TEX14: variants seen among roughly 807,000 people sequenced by gnomAD.
TEX14 encodes the protein inactive serine/threonine-protein kinase TEX14.
In TEX14, 168 loss-of-function variants were observed where a neutral mutation model predicts 178.6. That is an observed-to-expected ratio of 0.94 (90% CI 0.83 to 1.07). The LOEUF is 1.07. Ranked by LOEUF, TEX14 falls within the 50% of genes least tolerant of loss-of-function variation. The probability of loss-of-function intolerance (pLI) is 0.00; values close to 1 mark genes in which losing one functional copy is unlikely to be tolerated. For synonymous variants in TEX14, 626 were observed against 634.1 expected (o/e 0.99, Z 0.19); for missense variants, 1,730 against 1,753.6 (o/e 0.99, Z 0.24).
intron 2 of TEX14, among the ~76,000 whole-genome samples, chr17:58,650,287 G>A (rs549444557): frequency 6.6e-6 from 1 of 152,228 alleles, no homozygotes; most frequent in South Asian, 2.1e-4. Flanking sequence ...CCTGACCTCA[G>A]ATGATCCACC....
rs772975318 is a variant in TEX14, at chr17:58,601,961, A to G, written c.1528-5T>C. On this transcript the variant is annotated splice_polypyrimidine_tract_variant and splice_region_variant and intron_variant, in intron 12 of 31. Transcript: ENST00000349033. ...TCTCTGGGCTCCAGTAAAATCCTGTAACACAGGAAATATTGTCAAGGACAT... is the reference window on the plus strand; with the variant it reads ...TCTCTGGGCTCCAGTAAAATCCTGTGACACAGGAAATATTGTCAAGGACAT... The G allele has an allele frequency of 6.2e-7, 1 of 1,612,550 alleles. No individual in the cohort carries two copies. The highest frequency in any genetic ancestry group is 8.5e-7 in the Non-Finnish European group (1 of 1,179,730).
At chr17:58,594,573 G>A (rs1046893570) in intron 14 of TEX14, among the ~76,000 whole-genome samples, 6 of 151,784 alleles carry the variant, frequency 4.0e-5, no homozygotes, top group Non-Finnish European at 5.9e-5. Flanking sequence ...GGCTGGTCAC[G>A]AACCCCTGAC....
chr17:58,646,175 T>C (rs940316295), intron 2 of TEX14, among the ~76,000 whole-genome samples: 4 of 152,220 alleles, frequency 2.6e-5, no homozygotes, highest in Non-Finnish European at 4.4e-5. Context: ...TAAAGAGGTA[T>C]AGCTTAAAAG....
intron 14 of TEX14, among the ~76,000 whole-genome samples, chr17:58,598,039 C>T (rs978146795): frequency 6.6e-6 from 1 of 152,084 alleles, no homozygotes; most frequent in Non-Finnish European, 1.5e-5. Context: ...CTAGGCCAGG[C>T]AAGGTGGCTC....
At chr17:58,570,553 AT>A in intron 24 of TEX14, 69 bp from the exon 25 acceptor site, 1 of 1,081,920 alleles carries the variant, frequency 9.2e-7, no homozygotes. Context: ...CAGCTCAGTC[AT>A]TTCCAGTTGT....
At chr17:58,665,255 G>A (rs2047184550) in intron 1 of TEX14, among the ~76,000 whole-genome samples, 1 of 151,640 alleles carries the variant, frequency 6.6e-6, no homozygotes. Context: ...GCCTCCCAAA[G>A]TACTGGGATT....
chr17:58,651,680 C>A (rs938943877), intron 2 of TEX14, among the ~76,000 whole-genome samples, 186 bp downstream of exon 2: 1 of 152,158 alleles, frequency 6.6e-6, no homozygotes, highest in South Asian at 2.1e-4. Context: ...CAAAACAAAA[C>A]AAAACATCCT....
rs199538244 is a variant in TEX14, at chr17:58,683,369, T to TC, written c.-2+8569dup. Among the ~76,000 whole-genome samples the TC allele has an allele frequency of 5.2e-3, 655 of 124,868 alleles. 5 individuals are homozygous for TC. Among genetic ancestry groups the TC allele is most frequent in the Middle Eastern group, 0.015 (3 of 202 alleles). The allele number at this position is 124,868 out of a possible 152,430, so 81.9% of individuals were successfully genotyped here. ...GCCTGAGTGACAAAGCAAGACTCCATCCCCCCCCCCAAAAAAAAAAGGAAA... is the reference window on the plus strand; with the variant it reads ...GCCTGAGTGACAAAGCAAGACTCCATCCCCCCCCCCCAAAAAAAAAAGGAAA... On this transcript the variant is annotated intron_variant, in intron 1 of 31. Transcript: ENST00000349033.
chr17:58,640,612 AGTGTGTGTGT>A (rs33931543), intron 2 of TEX14, among the ~76,000 whole-genome samples: 3 of 143,858 alleles, frequency 2.1e-5, no homozygotes, highest in South Asian at 2.3e-4. Flanking sequence ...CTTACCTTCT[AGTGTGTGTGT>A]GTGTGTGTGT....
rs2044580606 is a variant in TEX14 at position 58,573,136 on chromosome 17, G to T, written c.3511+45C>A. On this transcript the variant is annotated intron_variant, in intron 23 of 31. Coordinates refer to ENST00000349033, the MANE Select transcript of TEX14 (RefSeq NM_031272.5). ...TGGCTTCCCAGAGACAATGGGCTGGGGCTGTAAGTCCTTCTCCCCAAACAC... is the reference window on the plus strand; with the variant it reads ...TGGCTTCCCAGAGACAATGGGCTGGTGCTGTAAGTCCTTCTCCCCAAACAC... 3 of 1,607,774 alleles carry T rather than the reference G, an allele frequency of 1.9e-6. No homozygotes were observed. In the East Asian group the frequency reaches 6.7e-5, roughly 36 times the overall value.
chr17:58,619,089 T>C (rs1425379612), intron 5 of TEX14, among the ~76,000 whole-genome samples: 4 of 152,176 alleles, frequency 2.6e-5, no homozygotes, highest in African/African-American at 4.8e-5. Context: ...GGAACAGACC[T>C]TGTGCTGACA....
At chr17:58,659,242 A>C (rs997021064) in intron 1 of TEX14, 23 of 555,502 alleles carry the variant, frequency 4.1e-5, no homozygotes, top group African/African-American at 2.5e-4. Flanking sequence ...ACATAGTAAA[A>C]ACCCTCCCCC....
chr17:58,562,475 T>C (rs551448914), intron 28 of TEX14, among the ~76,000 whole-genome samples: 2 of 152,048 alleles, frequency 1.3e-5, no homozygotes, highest in African/African-American at 4.8e-5. Context: ...ACAATAATAA[T>C]AGCTAACTTT....
At chr17:58,635,972 C>T (rs1221108055) in intron 2 of TEX14, among the ~76,000 whole-genome samples, 1 of 151,872 alleles carries the variant, frequency 6.6e-6, no homozygotes, top group African/African-American at 2.4e-5. Flanking sequence ...CTTGAACTCC[C>T]GACCTCAGGT....
chr17:58,608,847 G>T (rs966664364), intron 10 of TEX14, among the ~76,000 whole-genome samples: 3 of 152,202 alleles, frequency 2.0e-5, no homozygotes, highest in Admixed American at 2.0e-4. Flanking sequence ...GAGCAGTGTA[G>T]TAAAAGTGCC....
At chr17:58,645,868 CAT>C (rs1272513971) in intron 2 of TEX14, among the ~76,000 whole-genome samples, 1 of 152,198 alleles carries the variant, frequency 6.6e-6, no homozygotes, top group African/African-American at 2.4e-5. Context: ...TATAAAATAA[CAT>C]AGTATTTGCA....
intron 3 of TEX14, 66 bp from the exon 4 acceptor site, chr17:58,623,078 C>T (rs1273914277): frequency 1.1e-5 from 16 of 1,456,600 alleles, no homozygotes; most frequent in Non-Finnish European, 1.5e-5. Flanking sequence ...GAGCGGGGCT[C>T]AGCGTGCAAC....
chr17:58,596,761 C>T (rs533516635), intron 14 of TEX14, among the ~76,000 whole-genome samples: 1 of 151,518 alleles, frequency 6.6e-6, no homozygotes, highest in Admixed American at 6.6e-5. Flanking sequence ...ACCAGCCGGG[C>T]GTGCTGAGAC....
In TEX14 at chr17:58,672,932, A is replaced by G. The variant is rs187461280; in HGVS notation, c.-2+19007T>C. Among the ~76,000 whole-genome samples the G allele has an allele frequency of 2.3e-3, 355 of 151,980 alleles. 1 individual carries two copies. Among genetic ancestry groups the G allele is most frequent in the Admixed American group, 5.4e-3 (82 of 15,252 alleles). The stretch of plus-strand genomic sequence containing the variant: ...TTTTTAGTAGAGATGGGGTTTCTCC[A>G]TGTTGGCCAGGCTGGTCTTGAACTC... On this transcript the variant is annotated intron_variant, in intron 1 of 31. Transcript: ENST00000349033.
Sources: gnomAD v4.1 joint callset for allele counts (sites outside exome capture counted in the v4.1 genomes callset) on GRCh38, gnomAD v4.1.1 for gene constraint, MANE v1.5 for transcripts, NCBI Gene and HGNC (gene_info 2026-07-23, HGNC 2026-07-21) for gene names.